ELMO1: variants seen among roughly 807,000 people sequenced by gnomAD.
ELMO1 encodes the protein engulfment and cell motility protein 1.
A neutral mutation model predicts 98.9 loss-of-function variants in ELMO1; 26 were observed. The observed-to-expected ratio is 0.26, with a 90% confidence interval of 0.19 to 0.36. The LOEUF is 0.36. ELMO1 is among the 10% of genes least tolerant of loss of function. The pLI is 1.00. For synonymous variants in ELMO1, 346 were observed against 346.0 expected, an observed-to-expected ratio of 1.00 and a Z score of 0.00; for missense variants, 627 against 935.2, an observed-to-expected ratio of 0.67 and a Z score of 4.30.
chr7:37,423,588 CAAACA>C (rs373922707), intron 1 of ELMO1, among the ~76,000 whole-genome samples: 11,397 of 133,706 alleles, frequency 0.085, 589 homozygotes, highest in Admixed American at 0.11. Context: ...TCAAAGAAAA[CAAACA>C]AACAAACAAA....
At chr7:36,887,931 G>C (rs1805179399) in intron 17 of ELMO1, among the ~76,000 whole-genome samples, 1 of 152,104 alleles carries the variant, frequency 6.6e-6, no homozygotes, top group South Asian at 2.1e-4. Context: ...CCAGAGCAAA[G>C]TGTCCTGAAA....
intron 13 of ELMO1, among the ~76,000 whole-genome samples, chr7:37,141,755 G>A (rs1266971886): frequency 2.6e-5 from 4 of 151,860 alleles, no homozygotes; most frequent in African/African-American, 7.3e-5. Flanking sequence ...TTGGTTAAAG[G>A]CAATTTTTTT....
intron 16 of ELMO1, among the ~76,000 whole-genome samples, chr7:36,922,772 TA>T (rs1403781363): frequency 2.0e-5 from 3 of 152,324 alleles, no homozygotes; most frequent in African/African-American, 7.2e-5. Context: ...GATCAAGGCC[TA>T]AGAACCCCCC....
At position 36,955,602 on chromosome 7, in the gene ELMO1, A is replaced by G. The variant is rs80172611; in HGVS notation, c.1437+57697T>C. Among the ~76,000 whole-genome samples the G allele has an allele frequency of 2.2e-4, 33 of 152,370 alleles. No individual in the cohort carries two copies. The East Asian group carries it at 6.0e-3, about 28-fold the overall frequency. On this transcript the variant is annotated intron_variant, in intron 16 of 21. Transcript: ENST00000310758. ...TGTAACATCTTGGAAACACATGTACATCTTTTTATTCATCCTAAATCTGTC... is the reference window on the plus strand; with the variant it reads ...TGTAACATCTTGGAAACACATGTACGTCTTTTTATTCATCCTAAATCTGTC...
intron 16 of ELMO1, among the ~76,000 whole-genome samples, chr7:36,934,987 T>G (rs775588311): frequency 1.3e-5 from 2 of 152,196 alleles, no homozygotes; most frequent in Non-Finnish European, 2.9e-5. Context: ...ACCACCGTGG[T>G]CTCCACCACT....
intron 15 of ELMO1, among the ~76,000 whole-genome samples, chr7:37,092,422 A>G (rs1784156647): frequency 8.4e-6 from 1 of 118,938 alleles, no homozygotes; most frequent in Admixed American, 1.3e-4. Context: ...TCTGTCGCCC[A>G]GGCTGGAGGG....
chr7:36,870,384 A>G lies in ELMO1; in HGVS notation c.1905+9T>C. 6.2e-7 allele frequency: 1 copy of G among 1,613,960 alleles called. No homozygotes were observed. Among genetic ancestry groups the G allele is most frequent in the Non-Finnish European group, 8.5e-7 (1 of 1,179,904 alleles). ...AATAGAGCTATTTGCAATAATTTGG[A>G]AATCATACCTTGTTTTGTTTAAGGG... On this transcript the variant is annotated intron_variant, in intron 20 of 21. Coordinates refer to ENST00000310758, the MANE Select transcript of ELMO1 (RefSeq NM_014800.11). The surrounding 1 kb of genome is among the most constrained non-coding windows in gnomAD (Gnocchi z 4.4).
chr7:37,082,755 G>A (rs948290417), intron 15 of ELMO1, among the ~76,000 whole-genome samples: 1 of 149,632 alleles, frequency 6.7e-6, no homozygotes, highest in Admixed American at 6.7e-5. Context: ...AAACAGAAAA[G>A]CCCATTTTGC....
At chr7:37,325,349 C>A (rs548548966) in intron 2 of ELMO1, among the ~76,000 whole-genome samples, 1 of 152,218 alleles carries the variant, frequency 6.6e-6, no homozygotes, top group Non-Finnish European at 1.5e-5. Flanking sequence ...GAAAGGCATG[C>A]AGTTAATGAA....
chr7:36,966,770 C>T (rs111608935), intron 16 of ELMO1, among the ~76,000 whole-genome samples: 4 of 152,316 alleles, frequency 2.6e-5, no homozygotes, highest in African/African-American at 9.6e-5. Flanking sequence ...GACCATAAGA[C>T]AAATTGTTCT....
chr7:37,193,986 A>C (rs951617473), intron 13 of ELMO1, among the ~76,000 whole-genome samples: 3 of 152,150 alleles, frequency 2.0e-5, no homozygotes, highest in Non-Finnish European at 4.4e-5. Flanking sequence ...GGCACTTCTC[A>C]TCCAGAATGC....
At chr7:37,175,910 T>C (rs1790474197) in intron 13 of ELMO1, among the ~76,000 whole-genome samples, 1 of 152,182 alleles carries the variant, frequency 6.6e-6, no homozygotes. Context: ...ATGGACAGTG[T>C]CTCTGTTCTC....
intron 18 of ELMO1, among the ~76,000 whole-genome samples, chr7:36,878,435 G>T (rs1269812871): frequency 6.6e-6 from 1 of 152,070 alleles, no homozygotes; most frequent in Non-Finnish European, 1.5e-5. Flanking sequence ...CATGGGAACT[G>T]CTCCTTATTC....
chr7:37,327,897 C>T (rs1434496036), intron 2 of ELMO1, among the ~76,000 whole-genome samples: 1 of 152,126 alleles, frequency 6.6e-6, no homozygotes, highest in Non-Finnish European at 1.5e-5. Context: ...CATTCTTCAC[C>T]CCTACCTTCA....
intron 13 of ELMO1, among the ~76,000 whole-genome samples, chr7:37,164,093 G>C (rs1284217572): frequency 6.6e-6 from 1 of 152,190 alleles, no homozygotes; most frequent in Non-Finnish European, 1.5e-5. Context: ...GGCCAGTGAT[G>C]ATGAGCATTT....
intron 14 of ELMO1, among the ~76,000 whole-genome samples, chr7:37,111,751 A>C (rs891374962): frequency 3.3e-5 from 5 of 152,240 alleles, no homozygotes; most frequent in Non-Finnish European, 7.3e-5. Flanking sequence ...GGAAACATTC[A>C]CTACTCAATA....
chr7:37,164,552 A>G (rs1300605211), intron 13 of ELMO1, among the ~76,000 whole-genome samples: 1 of 152,212 alleles, frequency 6.6e-6, no homozygotes, highest in Non-Finnish European at 1.5e-5. Context: ...AGCTTTCTAC[A>G]TATGGCTAGC....
In ELMO1 at chr7:37,417,526, T is replaced by G. The variant is rs1167102017; in HGVS notation, c.-74+31149A>C. Among the ~76,000 whole-genome samples, 5 of 152,136 alleles carry G rather than the reference T, an allele frequency of 3.3e-5. No individual in the cohort carries two copies. The East Asian group carries it at 9.6e-4, about 29-fold the overall frequency. ...ATACAAAAACAAAATTAGCTGGGCA[T>G]GGTGGTGGGCGCTTGTAGTCCCAGC... On this transcript the variant is annotated intron_variant, in intron 1 of 21. Transcript: ENST00000310758.
intron 7 of ELMO1, among the ~76,000 whole-genome samples, chr7:37,239,374 C>T (rs1428521317): frequency 1.3e-5 from 2 of 152,144 alleles, no homozygotes; most frequent in Non-Finnish European, 2.9e-5. Context: ...ACCATCTTGG[C>T]CAGGCTGGTC....
Sources: allele counts gnomAD v4.1 joint callset (sites outside exome capture counted in the v4.1 genomes callset), GRCh38; gene constraint gnomAD v4.1.1; non-coding constraint Gnocchi (gnomAD v3.1); transcripts MANE v1.5; gene names NCBI Gene and HGNC (gene_info 2026-07-23, HGNC 2026-07-21).